Variants in CADPS observed in about 807,000 individuals in gnomAD.
CADPS encodes the protein calcium-dependent secretion activator 1.
Under a neutral mutation model 167.3 loss-of-function variants are expected in CADPS, and 57 were observed. That is an observed-to-expected ratio of 0.34 (90% CI 0.28 to 0.42). The LOEUF (loss-of-function observed/expected upper bound fraction) is 0.42. CADPS is among the 20% of genes least tolerant of loss of function. CADPS has a pLI of 1.00. For missense variants in CADPS, 1,414 were observed against 1,738.1 expected, an observed-to-expected ratio of 0.81 and a Z score of 3.32; for synonymous variants, 676 against 635.3, an observed-to-expected ratio of 1.06 and a Z score of -0.96.
chr3:62,521,056 T>G (rs982529031), intron 13 of CADPS, among the ~76,000 whole-genome samples: 1 of 152,184 alleles, frequency 6.6e-6, no homozygotes, highest in African/African-American at 2.4e-5. Flanking sequence ...CAAACTTGAA[T>G]GAGCCTCAGC....
chr3:62,507,709 A>G (rs1454379578), intron 17 of CADPS, among the ~76,000 whole-genome samples: 2 of 152,154 alleles, frequency 1.3e-5, no homozygotes, highest in Non-Finnish European at 1.5e-5. Context: ...CTACATTTCA[A>G]CAAGATCCCC....
At chr3:62,778,289 G>C (rs1248754460) in intron 1 of CADPS, among the ~76,000 whole-genome samples, 1 of 152,182 alleles carries the variant, frequency 6.6e-6, no homozygotes, top group Non-Finnish European at 1.5e-5. Context: ...TTTGTTGCAA[G>C]AAATGTCGAG....
chr3:62,584,869 G>A (rs1029211196), intron 8 of CADPS, among the ~76,000 whole-genome samples: 14 of 152,134 alleles, frequency 9.2e-5, no homozygotes, highest in African/African-American at 2.9e-4. Context: ...GGATGCCTCC[G>A]ACAAGGTACG....
At chr3:62,431,103 A>G (rs2053841001) in intron 28 of CADPS, among the ~76,000 whole-genome samples, 1 of 152,178 alleles carries the variant, frequency 6.6e-6, no homozygotes, top group Non-Finnish European at 1.5e-5. Flanking sequence ...GAGTATGGAA[A>G]AGCTCAGCTT....
intron 1 of CADPS, among the ~76,000 whole-genome samples, chr3:62,867,734 G>A (rs888007371): frequency 6.6e-6 from 1 of 151,984 alleles, no homozygotes; most frequent in Admixed American, 6.5e-5. Context: ...TAAAAACACT[G>A]CACATATCAA....
intron 28 of CADPS, among the ~76,000 whole-genome samples, chr3:62,411,676 G>A (rs1238110959): frequency 6.6e-6 from 1 of 152,142 alleles, no homozygotes; most frequent in Non-Finnish European, 1.5e-5. Context: ...ACGATTACCG[G>A]GGATCTGGTT....
intron 1 of CADPS, among the ~76,000 whole-genome samples, chr3:62,780,863 T>A (rs1271402802): frequency 1.3e-5 from 2 of 152,218 alleles, no homozygotes; most frequent in Admixed American, 1.3e-4. Flanking sequence ...TCATTAGATA[T>A]TTATATGAGT....
chr3:62,437,083 T>C (rs983305208), intron 28 of CADPS, among the ~76,000 whole-genome samples: 7 of 151,514 alleles, frequency 4.6e-5, no homozygotes, highest in African/African-American at 1.7e-4. Context: ...ATGGATTCCA[T>C]AGTAGACCAA....
chr3:62,847,285 T>G (rs855102), intron 1 of CADPS, among the ~76,000 whole-genome samples: 62,063 of 142,454 alleles, frequency 0.44, 13,313 homozygotes, highest in East Asian at 0.55. Context: ...TTTTAACTTT[T>G]TTTTTTTTAT....
At chr3:62,444,263 G>A (rs1264081719) in intron 27 of CADPS, among the ~76,000 whole-genome samples, 2 of 152,186 alleles carry the variant, frequency 1.3e-5, no homozygotes, top group African/African-American at 4.8e-5. Context: ...GCTGATGTCT[G>A]CAAATTCATC....
chr3:62,632,510 C>T (rs1316780432), intron 6 of CADPS, among the ~76,000 whole-genome samples: 1 of 151,998 alleles, frequency 6.6e-6, no homozygotes, highest in Non-Finnish European at 1.5e-5. Flanking sequence ...TCCAAGATTC[C>T]ACCGTAGAGT....
intron 8 of CADPS, among the ~76,000 whole-genome samples, chr3:62,578,065 T>C (rs1013896550): frequency 6.6e-6 from 1 of 151,966 alleles, no homozygotes; most frequent in Non-Finnish European, 1.5e-5. Flanking sequence ...AAGGCAAGGA[T>C]CTTCAAATTT....
intron 1 of CADPS, among the ~76,000 whole-genome samples, chr3:62,779,952 C>T (rs2091232133): frequency 6.6e-6 from 1 of 152,190 alleles, no homozygotes; most frequent in African/African-American, 2.4e-5. Context: ...TCATTTGATG[C>T]AGTTTCTCAT....
At chr3:62,477,091 A>G (rs574164924) in intron 23 of CADPS, among the ~76,000 whole-genome samples, 2 of 152,244 alleles carry the variant, frequency 1.3e-5, no homozygotes, top group South Asian at 4.2e-4. Context: ...TCCTTTCTCA[A>G]TTCCTGCTGA....
intron 1 of CADPS, chr3:62,779,562 G>A: frequency 1.9e-6 from 1 of 532,706 alleles, no homozygotes; most frequent in South Asian, 1.4e-5. Flanking sequence ...CCTCTGCCAG[G>A]CTTATGGGAC....
intron 26 of CADPS, among the ~76,000 whole-genome samples, chr3:62,450,161 C>T (rs185287338): frequency 6.6e-6 from 1 of 152,320 alleles, no homozygotes; most frequent in African/African-American, 2.4e-5. Flanking sequence ...CCCCAGGTTA[C>T]CAACAGGTAT....
intron 6 of CADPS, among the ~76,000 whole-genome samples, chr3:62,609,853 G>A (rs2061246486): frequency 6.6e-6 from 1 of 152,156 alleles, no homozygotes; most frequent in Non-Finnish European, 1.5e-5. Flanking sequence ...ACTTTGGGAG[G>A]CTGAGGCAGG....
At chr3:62,798,712 T>C (rs1010068663) in intron 1 of CADPS, among the ~76,000 whole-genome samples, 1 of 152,100 alleles carries the variant, frequency 6.6e-6, no homozygotes, top group Admixed American at 6.6e-5. Context: ...ATCCCTAGGA[T>C]GTGTTAGGTA....
In CADPS at chr3:62,557,505, C is replaced by T; in HGVS notation, c.1653G>A (p.Gln551=). ...GATAACTGCACATGGCAAACGTGTA[C>T]TGACTGACCTGTTAAGGAAAAGCAG... ...KRFFVLVQVS[Q]YTFAMCSYRE... Residue 551 remains glutamine (Q), a synonymous_variant, in exon 10 of 30, where the codon CAG becomes CAA. Coordinates refer to ENST00000383710, the MANE Select transcript of CADPS (RefSeq NM_003716.4). 6.2e-7 allele frequency: 1 copy of T among 1,612,968 alleles called. No individual in the cohort carries two copies. The highest frequency in any genetic ancestry group is 8.5e-7 in the Non-Finnish European group (1 of 1,178,996).
Sources: gnomAD v4.1 joint callset for allele counts (sites outside exome capture counted in the v4.1 genomes callset) on GRCh38, gnomAD v4.1.1 for gene constraint, MANE v1.5 for transcripts, NCBI Gene and HGNC (gene_info 2026-07-23, HGNC 2026-07-21) for gene names.